Variants in SYNJ2 observed in about 807,000 individuals in gnomAD.
The protein encoded by SYNJ2 is synaptojanin 2.
In SYNJ2, 116 loss-of-function variants were observed where a neutral mutation model predicts 141.3. That is an observed-to-expected ratio of 0.82 (90% CI 0.71 to 0.96). The LOEUF is 0.96. Among genes scored for constraint, SYNJ2 ranks in the 40% least tolerant of loss-of-function variants. The pLI is 0.00. For synonymous variants in SYNJ2, 745 were observed against 777.7 expected, an observed-to-expected ratio of 0.96 and a Z score of 0.70; for missense variants, 1,873 against 1,934.8, an observed-to-expected ratio of 0.97 and a Z score of 0.60.
chr6:158,009,250 C>A (rs1361925358), intron 1 of SYNJ2, among the ~76,000 whole-genome samples: 1 of 152,198 alleles, frequency 6.6e-6, no homozygotes, highest in African/African-American at 2.4e-5. Context: ...TTGATCTTAT[C>A]TATCCTGGCA....
chr6:158,012,398 C>T (rs1778300488), intron 1 of SYNJ2, among the ~76,000 whole-genome samples: 1 of 152,148 alleles, frequency 6.6e-6, no homozygotes, highest in Admixed American at 6.6e-5. Flanking sequence ...AGAGGGAGGC[C>T]AGGCAGGGAG....
intron 7 of SYNJ2, among the ~76,000 whole-genome samples, 189 bp from the exon 8 acceptor site, chr6:158,061,803 C>G (rs1027989574): frequency 6.6e-6 from 1 of 150,618 alleles, no homozygotes; most frequent in African/African-American, 2.4e-5. Context: ...TGGGTTTTGT[C>G]CCCCCAGGGC....
Position 158,071,472 on chromosome 6 carries a change from T to C in SYNJ2, c.1941-130T>C. On this transcript the variant is annotated intron_variant, in intron 14 of 26. Coordinates refer to ENST00000355585, the MANE Select transcript of SYNJ2 (RefSeq NM_003898.4). This position sits in a 1 kb window ranked among gnomAD's most constrained non-coding sequence, Gnocchi z 4.3. ...TCGATGACGGCCACGGTGGCCACTG[T>C]GTTGAGCTGATGATTTTGGAGCACT... is the stretch of plus-strand genomic sequence containing the variant. The C allele has an allele frequency of 9.5e-7, 1 of 1,058,054 alleles. No homozygotes were observed. Among genetic ancestry groups the C allele is most frequent in the Non-Finnish European group, 1.3e-6 (1 of 744,128 alleles). 65.5% of individuals were successfully genotyped at this position (1,058,054 alleles called of 1,614,324 possible).
chr6:158,032,799 G>C (rs1779436445), intron 3 of SYNJ2, among the ~76,000 whole-genome samples: 1 of 152,208 alleles, frequency 6.6e-6, no homozygotes, highest in Non-Finnish European at 1.5e-5. Flanking sequence ...AATGTTGGCT[G>C]TCACCCTGTC....
intron 1 of SYNJ2, among the ~76,000 whole-genome samples, chr6:158,004,953 C>CT (rs1777998444): frequency 6.6e-6 from 1 of 152,088 alleles, no homozygotes; most frequent in Non-Finnish European, 1.5e-5. Context: ...GTGAGTGACC[C>CT]CACCCCTGCA....
intron 3 of SYNJ2, among the ~76,000 whole-genome samples, chr6:158,031,270 TG>T (rs1213123978): frequency 6.6e-6 from 1 of 152,182 alleles, no homozygotes; most frequent in East Asian, 1.9e-4. Flanking sequence ...TGAGGGTCCT[TG>T]GAACCCCTAG....
chr6:158,070,895 A>G lies in SYNJ2; in HGVS notation c.1941-707A>G, dbSNP rs1279791123. On this transcript the variant is annotated intron_variant, in intron 14 of 26. Transcript: ENST00000355585. This position sits in a 1 kb window ranked among gnomAD's most constrained non-coding sequence, Gnocchi z 4.0. Reference sequence around the variant, plus strand: ...GCCCGTTTCCTAGCTCTTAAAGTGCATTGATTGCTGGGCACGGTGTCTCAC... The same window carrying G: ...GCCCGTTTCCTAGCTCTTAAAGTGCGTTGATTGCTGGGCACGGTGTCTCAC... Among the ~76,000 whole-genome samples, 1 of 152,208 alleles carries G rather than the reference A, an allele frequency of 6.6e-6. No homozygotes were observed. The highest frequency in any genetic ancestry group is 1.5e-5 in the Non-Finnish European group (1 of 68,048).
chr6:158,025,626 C>G (rs546450714), intron 2 of SYNJ2, among the ~76,000 whole-genome samples: 1 of 151,814 alleles, frequency 6.6e-6, no homozygotes, highest in Non-Finnish European at 1.5e-5. Flanking sequence ...CACCACTCCA[C>G]TCCAGCCTGG....
rs573429073 is a variant in SYNJ2, at chr6:157,985,538, T to A, written c.127+3450T>A. ...GCCCCGTAGCCGGTACCAGCATCCC[T>A]GGCCAACAATCCACAATTAGCAAAC... On this transcript the variant is annotated intron_variant, in intron 1 of 26. Coordinates refer to ENST00000355585, the MANE Select transcript of SYNJ2 (RefSeq NM_003898.4). 2.0e-5 allele frequency among the ~76,000 whole-genome samples: 3 copies of A among 152,356 alleles called. No individual in the cohort carries two copies. The East Asian group carries it at 5.8e-4, about 29-fold the overall frequency.
rs1180793601 is a variant in SYNJ2 at position 157,989,466 on chromosome 6, A to ATG, written c.127+7379_127+7380dup. On this transcript the variant is annotated intron_variant, in intron 1 of 26. Coordinates refer to ENST00000355585, the MANE Select transcript of SYNJ2 (RefSeq NM_003898.4). ...TATATATATATATATATATATATATATGGAAAAAGACTCCCTTTGTCCTGT... is the reference window on the plus strand; with the variant it reads ...TATATATATATATATATATATATATATGTGGAAAAAGACTCCCTTTGTCCTGT... Among the ~76,000 whole-genome samples, 92 of 131,062 alleles carry ATG rather than the reference A, an allele frequency of 7.0e-4. 1 individual carries two copies. The highest frequency in any genetic ancestry group is 1.3e-3 in the Non-Finnish European group (81 of 61,400). The allele number at this position is 131,062 out of a possible 152,430, so 86.0% of individuals were successfully genotyped here.
chr6:157,993,583 G>A (rs935554751), intron 1 of SYNJ2, among the ~76,000 whole-genome samples: 2 of 151,762 alleles, frequency 1.3e-5, no homozygotes, highest in African/African-American at 4.8e-5. Flanking sequence ...CTGTGCTTGT[G>A]GGGTATTGCT....
At chr6:158,017,415 T>C (rs1342881628) in intron 2 of SYNJ2, 125 bp downstream of exon 2, 1 of 1,294,946 alleles carries the variant, frequency 7.7e-7, no homozygotes, top group Non-Finnish European at 1.0e-6. Context: ...CTTTTTTTTT[T>C]TTTTTTTTTT....
intron 1 of SYNJ2, among the ~76,000 whole-genome samples, chr6:158,000,064 CTTTTTT>C (rs58284240): frequency 7.4e-4 from 63 of 85,566 alleles, no homozygotes; most frequent in Non-Finnish European, 1.2e-3. Context: ...AGCCAAAAGG[CTTTTTT>C]TTTTTTTTTT....
intron 20 of SYNJ2, among the ~76,000 whole-genome samples, chr6:158,083,031 C>G (rs1162216011): frequency 6.6e-6 from 1 of 151,986 alleles, no homozygotes; most frequent in African/African-American, 2.4e-5. Flanking sequence ...CTCCCGGGTT[C>G]AAGCGATTCT....
At position 158,028,918 on chromosome 6, in the gene SYNJ2, C is replaced by T. The variant is rs373812551; in HGVS notation, c.377C>T (p.Ser126Leu). Residue 126 changes from serine to leucine, a missense_variant, in exon 3 of 27, where the codon TCG (serine) becomes TTG (leucine). Transcript: ENST00000355585. ...ATAGCTTTGAAGAAAATCCTCAGCT[C>T]GGGGGTGTTCTATTTCTCATGGCCA... Reference protein sequence around the residue: ...RLIALKKILSSGVFYFSWPND... With the variant: ...RLIALKKILSLGVFYFSWPND... The T allele has an allele frequency of 7.4e-6, 12 of 1,614,042 alleles. No homozygotes were observed. In the Middle Eastern group the frequency reaches 4.9e-4, roughly 66 times the overall value.
chr6:157,988,780 G>T (rs1777302555), intron 1 of SYNJ2, among the ~76,000 whole-genome samples: 1 of 152,152 alleles, frequency 6.6e-6, no homozygotes. Context: ...TTGGTGTCGT[G>T]GCCAGCTGTC....
At chr6:157,989,914 G>T (rs9459054) in intron 1 of SYNJ2, among the ~76,000 whole-genome samples, 2 of 152,012 alleles carry the variant, frequency 1.3e-5, no homozygotes, top group Non-Finnish European at 2.9e-5. Context: ...TTTCTGGGGG[G>T]GGCTAGGAGG....
chr6:158,085,943 G>C (rs547900693), intron 22 of SYNJ2, among the ~76,000 whole-genome samples: 12 of 152,256 alleles, frequency 7.9e-5, no homozygotes, highest in Admixed American at 4.6e-4. Context: ...CCTTTCTCTC[G>C]GGGGTGGCCG....
At chr6:158,065,737 C>T (rs977140017) in intron 11 of SYNJ2, among the ~76,000 whole-genome samples, 3 of 152,210 alleles carry the variant, frequency 2.0e-5, no homozygotes, top group Admixed American at 6.5e-5. Flanking sequence ...CCGATAGGCA[C>T]GGTGATATTT....
Sources: allele counts gnomAD v4.1 joint callset (sites outside exome capture counted in the v4.1 genomes callset), GRCh38; gene constraint gnomAD v4.1.1; non-coding constraint Gnocchi (gnomAD v3.1); transcripts MANE v1.5; gene names NCBI Gene and HGNC (gene_info 2026-07-23, HGNC 2026-07-21).